Variants in PLXDC2 observed in about 807,000 individuals in gnomAD.
PLXDC2 encodes plexin domain containing 2.
PLXDC2 carries 40 observed loss-of-function variants against 68.9 expected under a neutral mutation model. The observed-to-expected ratio is 0.58, with a 90% CI of 0.45 to 0.76. The LOEUF is 0.76. Ranked by LOEUF, PLXDC2 falls within the 30% of genes least tolerant of loss-of-function variation. The pLI, the probability that PLXDC2 is intolerant of heterozygous loss-of-function variation, is 0.00. For synonymous variants in PLXDC2, 243 were observed against 234.2 expected, an observed-to-expected ratio of 1.04 and a Z score of -0.34; for missense variants, 644 against 661.9, an observed-to-expected ratio of 0.97 and a Z score of 0.30.
At chr10:19,923,326 T>C (rs1833490627) in intron 1 of PLXDC2, among the ~76,000 whole-genome samples, 1 of 152,152 alleles carries the variant, frequency 6.6e-6, no homozygotes, top group East Asian at 1.9e-4. Flanking sequence ...ACAAAAGACA[T>C]AAAGTATTGC....
intron 2 of PLXDC2, among the ~76,000 whole-genome samples, chr10:20,044,022 G>T (rs1038471260): frequency 6.6e-6 from 1 of 151,780 alleles, no homozygotes; most frequent in Admixed American, 6.6e-5. Flanking sequence ...AAAGATTCAA[G>T]GTTTCATGGA....
chr10:20,160,306 A>G (rs1834274053), intron 6 of PLXDC2, among the ~76,000 whole-genome samples: 1 of 152,156 alleles, frequency 6.6e-6, no homozygotes, highest in Non-Finnish European at 1.5e-5. Context: ...AGATGCAGTA[A>G]TCAGAAATCA....
intron 1 of PLXDC2, among the ~76,000 whole-genome samples, chr10:19,947,642 TAC>T (rs2131403526): frequency 6.6e-6 from 1 of 152,236 alleles, no homozygotes; most frequent in South Asian, 2.1e-4. Flanking sequence ...AATTCTGTAA[TAC>T]ACCTCAGGGT....
intron 1 of PLXDC2, among the ~76,000 whole-genome samples, chr10:19,909,003 T>C (rs912503512): frequency 6.6e-6 from 1 of 152,224 alleles, no homozygotes; most frequent in Non-Finnish European, 1.5e-5. Flanking sequence ...AAGGAACTTA[T>C]ACACTAGCAA....
chr10:20,060,756 A>C (rs1319132304), intron 3 of PLXDC2, among the ~76,000 whole-genome samples: 1 of 152,132 alleles, frequency 6.6e-6, no homozygotes, highest in African/African-American at 2.4e-5. Flanking sequence ...TTTTAGAGAA[A>C]ATTATGTTGT....
chr10:20,118,339 T>A (rs574531868), intron 4 of PLXDC2, among the ~76,000 whole-genome samples: 1 of 152,274 alleles, frequency 6.6e-6, no homozygotes, highest in African/African-American at 2.4e-5. Flanking sequence ...TTTGGCCCTC[T>A]CACTGACTAC....
In PLXDC2 at chr10:20,000,537, C is replaced by T. The variant is rs572041057; in HGVS notation, c.113-1238C>T. Among the ~76,000 whole-genome samples, 3 of 152,140 alleles carry T rather than the reference C, an allele frequency of 2.0e-5. No individual in the cohort carries two copies. In the East Asian group the frequency reaches 5.8e-4, roughly 30 times the overall value. ...ACAATAAGAGATCTTTTACTGTATG[C>T]ATCATGACATCAGACAATCAGAGAT... On this transcript the variant is annotated intron_variant, in intron 1 of 13. Coordinates refer to ENST00000377252, the MANE Select transcript of PLXDC2 (RefSeq NM_032812.9).
chr10:19,924,094 C>T (rs887349139), intron 1 of PLXDC2, among the ~76,000 whole-genome samples: 1 of 152,090 alleles, frequency 6.6e-6, no homozygotes, highest in Non-Finnish European at 1.5e-5. Context: ...CAGCATTTAC[C>T]CAACCTCTCC....
chr10:20,255,191 G>GGATAGATA (rs199581943), intron 13 of PLXDC2, among the ~76,000 whole-genome samples: 474 of 96,806 alleles, frequency 4.9e-3, no homozygotes, highest in East Asian at 0.013. Context: ...ATAGGTGGAT[G>GGATAGATA]GATAGATAGA....
At chr10:19,863,969 A>G (rs538322179) in intron 1 of PLXDC2, among the ~76,000 whole-genome samples, 1 of 152,280 alleles carries the variant, frequency 6.6e-6, no homozygotes, top group African/African-American at 2.4e-5. Context: ...GAGGGAGCAA[A>G]ATGCATAAAT....
At chr10:20,118,707 G>A (rs527814936) in intron 4 of PLXDC2, among the ~76,000 whole-genome samples, 6 of 152,260 alleles carry the variant, frequency 3.9e-5, no homozygotes, top group Admixed American at 3.9e-4. Context: ...AGGGAAGAAA[G>A]GCAAAGAAGA....
At chr10:20,080,551 T>C (rs1836534975) in intron 4 of PLXDC2, among the ~76,000 whole-genome samples, 1 of 152,110 alleles carries the variant, frequency 6.6e-6, no homozygotes, top group African/African-American at 2.4e-5. Context: ...ACATCCAGCA[T>C]TGGAGAAAGA....
At chr10:20,123,739 G>A (rs1377333174) in intron 4 of PLXDC2, among the ~76,000 whole-genome samples, 1 of 151,820 alleles carries the variant, frequency 6.6e-6, no homozygotes, top group Non-Finnish European at 1.5e-5. Flanking sequence ...AAGGGGATGG[G>A]GCACAGAGAT....
At chr10:19,958,412 AC>A (rs1834104862) in intron 1 of PLXDC2, among the ~76,000 whole-genome samples, 1 of 152,102 alleles carries the variant, frequency 6.6e-6, no homozygotes, top group Non-Finnish European at 1.5e-5. Context: ...AAACCTACAG[AC>A]CTAAAATAAA....
chr10:19,853,042 A>G (rs1032859134), intron 1 of PLXDC2, among the ~76,000 whole-genome samples: 1 of 152,224 alleles, frequency 6.6e-6, no homozygotes, highest in African/African-American at 2.4e-5. Context: ...AAAGCCATTT[A>G]TTTAACTACT....
intron 1 of PLXDC2, among the ~76,000 whole-genome samples, chr10:19,975,433 G>A (rs1311619152): frequency 6.6e-6 from 1 of 152,012 alleles, no homozygotes; most frequent in African/African-American, 2.4e-5. Flanking sequence ...CCTCCAGCCT[G>A]GGAGACAGAG....
intron 2 of PLXDC2, among the ~76,000 whole-genome samples, chr10:20,017,251 T>C (rs928267293): frequency 9.2e-5 from 14 of 152,132 alleles, no homozygotes; most frequent in African/African-American, 3.4e-4. Context: ...ACAGTGCTTC[T>C]AGGGGGGCAG....
At chr10:19,834,377 C>A (rs1435477595) in intron 1 of PLXDC2, among the ~76,000 whole-genome samples, 2 of 149,538 alleles carry the variant, frequency 1.3e-5, no homozygotes, top group Non-Finnish European at 1.5e-5. Flanking sequence ...CTGTGTGTGT[C>A]TGTGAAGAGA....
intron 3 of PLXDC2, among the ~76,000 whole-genome samples, chr10:20,061,411 A>C (rs879395108): frequency 6.6e-6 from 1 of 152,096 alleles, no homozygotes; most frequent in African/African-American, 2.4e-5. Flanking sequence ...GTTTTTGGCA[A>C]TACTACAATG....
Sources: gnomAD v4.1 joint callset for allele counts (sites outside exome capture counted in the v4.1 genomes callset) on GRCh38, gnomAD v4.1.1 for gene constraint, MANE v1.5 for transcripts, NCBI Gene and HGNC (gene_info 2026-07-23, HGNC 2026-07-21) for gene names.